SLMAP: variants seen among roughly 807,000 people sequenced by gnomAD.
SLMAP encodes sarcolemmal membrane-associated protein.
SLMAP carries 44 observed loss-of-function variants against 128.8 expected under a neutral mutation model. The observed-to-expected ratio is 0.34, with a 90% CI of 0.27 to 0.44. The LOEUF (loss-of-function observed/expected upper bound fraction) is 0.44, where lower values mean the gene tolerates loss of function less well. SLMAP is among the 20% of genes least tolerant of loss of function. The pLI is 1.00. For synonymous variants in SLMAP, 327 were observed against 348.8 expected, an observed-to-expected ratio of 0.94 and a Z score of 0.70; for missense variants, 787 against 985.3, an observed-to-expected ratio of 0.80 and a Z score of 2.69.
At chr3:57,896,487 T>G (rs1163041693) in intron 15 of SLMAP, 24 bp from the exon 16 acceptor site, 2 of 1,575,682 alleles carry the variant, frequency 1.3e-6, no homozygotes, top group African/African-American at 2.7e-5. Context: ...TAATAAGATT[T>G]TACTTTTATT....
chr3:57,827,079 C>T (rs1305821645), intron 2 of SLMAP, among the ~76,000 whole-genome samples: 3 of 152,178 alleles, frequency 2.0e-5, no homozygotes, highest in Non-Finnish European at 2.9e-5. Context: ...TGCTATCTAC[C>T]TCGAATCTAT....
intron 2 of SLMAP, among the ~76,000 whole-genome samples, chr3:57,797,270 A>G (rs998616266): frequency 6.6e-6 from 1 of 151,056 alleles, no homozygotes; most frequent in African/African-American, 2.4e-5. Flanking sequence ...GGATCACCTG[A>G]GGTCGGGAGT....
intron 2 of SLMAP, among the ~76,000 whole-genome samples, chr3:57,767,840 G>GA (rs2080054322): frequency 6.6e-6 from 1 of 152,148 alleles, no homozygotes; most frequent in South Asian, 2.1e-4. Flanking sequence ...CAATTATTAT[G>GA]AAAATCTGTC....
At chr3:57,805,831 C>T (rs1023642879) in intron 2 of SLMAP, among the ~76,000 whole-genome samples, 1 of 152,106 alleles carries the variant, frequency 6.6e-6, no homozygotes, top group Non-Finnish European at 1.5e-5. Flanking sequence ...CTCCCCCTAC[C>T]AACCCCACAC....
intron 5 of SLMAP, among the ~76,000 whole-genome samples, chr3:57,849,300 A>G (rs1210204085): frequency 7.2e-5 from 11 of 152,160 alleles, no homozygotes; most frequent in Non-Finnish European, 1.5e-5. Context: ...AAATAGTTTG[A>G]CTATGACTTA....
intron 5 of SLMAP, among the ~76,000 whole-genome samples, chr3:57,848,659 CCTT>C (rs1280204515): frequency 6.7e-6 from 1 of 149,146 alleles, no homozygotes; most frequent in African/African-American, 2.5e-5. Context: ...CCTCCTCCTT[CCTT>C]CTTCTTTTTC....
chr3:57,807,332 T>A (rs1183035460), intron 2 of SLMAP, among the ~76,000 whole-genome samples: 1 of 152,162 alleles, frequency 6.6e-6, no homozygotes, highest in Non-Finnish European at 1.5e-5. Context: ...TTCTTCCTAT[T>A]TGAATTGGAG....
Position 57,831,490 on chromosome 3 carries a change from T to C in SLMAP, c.306T>C (p.Ile102=). Residue 102 remains isoleucine (I), a synonymous_variant, in exon 3 of 25, where the codon ATT becomes ATC. Coordinates refer to ENST00000671191, the MANE Select transcript of SLMAP (RefSeq NM_001377540.1). The part of the protein sequence containing the change: ...SPPCEILSGD[I]IQFGVDVTEN... ...CATGTGAAATTCTTTCCGGTGACATTATCCAGTTTGGAGTAGACGTGACAG... is the reference window on the plus strand; with the variant it reads ...CATGTGAAATTCTTTCCGGTGACATCATCCAGTTTGGAGTAGACGTGACAG... 2 of 1,593,142 alleles carry C rather than the reference T, an allele frequency of 1.3e-6. No individual in the cohort carries two copies. Among genetic ancestry groups the C allele is most frequent in the Non-Finnish European group, 1.7e-6 (2 of 1,168,992 alleles).
At chr3:57,850,393 A>T (rs973331764) in intron 6 of SLMAP, among the ~76,000 whole-genome samples, 8 of 152,138 alleles carry the variant, frequency 5.3e-5, no homozygotes, top group Non-Finnish European at 1.0e-4. Flanking sequence ...AAGTATGAGG[A>T]GGTTCCAAAA....
chr3:57,859,320 CAAA>C (rs555697911), intron 8 of SLMAP, among the ~76,000 whole-genome samples: 4 of 68,884 alleles, frequency 5.8e-5, no homozygotes, highest in Admixed American at 3.5e-4. Context: ...GAGACTGTCT[CAAA>C]AAAAAAAAAA....
chr3:57,808,848 T>C (rs1366101190), intron 2 of SLMAP, among the ~76,000 whole-genome samples: 1 of 152,212 alleles, frequency 6.6e-6, no homozygotes, highest in Non-Finnish European at 1.5e-5. Flanking sequence ...ATATTGACAG[T>C]AGGGTGTTAA....
chr3:57,779,394 A>G (rs2082543083), intron 2 of SLMAP, among the ~76,000 whole-genome samples: 1 of 151,840 alleles, frequency 6.6e-6, no homozygotes, highest in Admixed American at 6.6e-5. Flanking sequence ...CTCTTGTCCC[A>G]GCTACTCAGG....
At chr3:57,894,131 CAA>C (rs1491222766) in intron 15 of SLMAP, among the ~76,000 whole-genome samples, 1 of 151,906 alleles carries the variant, frequency 6.6e-6, no homozygotes, top group Non-Finnish European at 1.5e-5. Flanking sequence ...GATTTTAAAA[CAA>C]TATATATATA....
At chr3:57,784,500 C>T (rs1384877514) in intron 2 of SLMAP, among the ~76,000 whole-genome samples, 3 of 152,162 alleles carry the variant, frequency 2.0e-5, no homozygotes, top group Non-Finnish European at 4.4e-5. Context: ...TATGCCTGTG[C>T]CTTGTGTTTT....
At chr3:57,906,587 G>T (rs1484864081) in intron 17 of SLMAP, among the ~76,000 whole-genome samples, 1 of 147,356 alleles carries the variant, frequency 6.8e-6, no homozygotes, top group Non-Finnish European at 1.5e-5. Flanking sequence ...AGAGTGCTAG[G>T]ATTACAGGCA....
At chr3:57,901,475 AGT>A (rs1406627319) in intron 17 of SLMAP, 2 of 152,188 alleles carry the variant, frequency 1.3e-5, no homozygotes. Flanking sequence ...CTCTATAAAT[AGT>A]GTGTCTTACC....
At chr3:57,916,435 T>C (rs2096813838) in intron 21 of SLMAP, among the ~76,000 whole-genome samples, 1 of 152,206 alleles carries the variant, frequency 6.6e-6, no homozygotes, top group African/African-American at 2.4e-5. Flanking sequence ...TCTTATGCTC[T>C]TTTCTCAATT....
chr3:57,906,672 AAAATATAT>A (rs1371714991), intron 17 of SLMAP, among the ~76,000 whole-genome samples: 833 of 30,000 alleles, frequency 0.028, 11 homozygotes, highest in African/African-American at 0.066. Context: ...ATATGAAAAA[AAAATATAT>A]ATATATATAT....
In SLMAP at chr3:57,912,403, C is replaced by T. The variant is rs79652350; in HGVS notation, c.1722C>T (p.Ile574=). The change falls in exon 20 of 25, where the codon ATC becomes ATT. Residue 574 remains isoleucine (I), a synonymous_variant. Coordinates refer to ENST00000671191, the MANE Select transcript of SLMAP (RefSeq NM_001377540.1). ...VLQAQLQRLH[I]DTENLREEKD... ...CAGCCCAATTGCAGAGGTTACACAT[C>T]GATACTGAGAATCTCCGGGAGGAGA... The T allele has an allele frequency of 1.1e-5, 17 of 1,612,700 alleles. No individual in the cohort carries two copies. The highest frequency in any genetic ancestry group is 3.3e-5 in the South Asian group (3 of 91,048).
Sources: gnomAD v4.1 joint callset for allele counts (sites outside exome capture counted in the v4.1 genomes callset) on GRCh38, gnomAD v4.1.1 for gene constraint, MANE v1.5 for transcripts, NCBI Gene and HGNC (gene_info 2026-07-23, HGNC 2026-07-21) for gene names.